Variants in EYA1 observed in about 807,000 individuals in gnomAD.
EYA1 encodes the protein protein phosphatase EYA1.
In EYA1, 16 loss-of-function variants were observed where a neutral mutation model predicts 82.0. The ratio of observed to expected loss-of-function variants is 0.20; its 90% CI spans 0.13 to 0.30. EYA1 has a LOEUF of 0.30. Ranked by LOEUF, EYA1 falls within the 10% of genes least tolerant of loss-of-function variation. The pLI, the probability that EYA1 is intolerant of heterozygous loss-of-function variation, is 1.00. For synonymous variants in EYA1, 261 were observed against 264.4 expected, an observed-to-expected ratio of 0.99 and a Z score of 0.12; for missense variants, 633 against 730.7, an observed-to-expected ratio of 0.87 and a Z score of 1.54.
chr8:71,319,378 C>T (rs191356800), intron 6 of EYA1, among the ~76,000 whole-genome samples: 285 of 152,274 alleles, frequency 1.9e-3, no homozygotes, highest in African/African-American at 6.5e-3. Flanking sequence ...GATCCGCCCG[C>T]CTCAGCCTCC....
chr8:71,447,144 A>G (rs1806954421), intron 2 of EYA1, among the ~76,000 whole-genome samples: 1 of 151,434 alleles, frequency 6.6e-6, no homozygotes, highest in African/African-American at 2.4e-5. Context: ...TCCTCCATCA[A>G]AAAAGACAAT....
intron 2 of EYA1, among the ~76,000 whole-genome samples, chr8:71,447,959 TC>T (rs1457104758): frequency 6.6e-6 from 1 of 151,232 alleles, no homozygotes; most frequent in East Asian, 2.0e-4. Context: ...AATTGACTCT[TC>T]CTTTCCAAAA....
chr8:71,275,083 C>T (rs28755904), intron 9 of EYA1, among the ~76,000 whole-genome samples: 1,591 of 152,106 alleles, frequency 0.01, 29 homozygotes, highest in African/African-American at 0.037. Context: ...AATTCAACAA[C>T]GGAGTGGGGG....
rs149146304 is a variant in EYA1, at chr8:71,445,725, G to A, written c.34-89214C>T. Among the ~76,000 whole-genome samples, 221 of 152,134 alleles carry A rather than the reference G, an allele frequency of 1.5e-3. 1 individual carries two copies. The highest frequency in any genetic ancestry group is 1.7e-3 in the Non-Finnish European group (116 of 67,990). On this transcript the variant is annotated intron_variant, in intron 2 of 18. Transcript: ENST00000643681. ...ACGATCTCGGCTCACTGCCAGCTCC[G>A]CCTCCCGGGTTCACACCATTCTCCT... is the stretch of plus-strand genomic sequence containing the variant.
chr8:71,349,831 T>A (rs1275147135), intron 3 of EYA1, among the ~76,000 whole-genome samples: 1 of 152,172 alleles, frequency 6.6e-6, no homozygotes, highest in Non-Finnish European at 1.5e-5. Context: ...TTCTAAAGAT[T>A]AATAAAGCAA....
intron 9 of EYA1, among the ~76,000 whole-genome samples, chr8:71,275,892 G>A (rs1817108622): frequency 6.6e-6 from 1 of 152,132 alleles, no homozygotes; most frequent in African/African-American, 2.4e-5. Flanking sequence ...CTGACCACTT[G>A]CTCCTTTAAA....
intron 12 of EYA1, among the ~76,000 whole-genome samples, chr8:71,238,618 A>G (rs1812123706): frequency 6.6e-6 from 1 of 152,068 alleles, no homozygotes; most frequent in African/African-American, 2.4e-5. Context: ...GCTATTTTAA[A>G]TTATAATTAA....
chr8:71,342,948 T>C (rs2129055022), intron 3 of EYA1, among the ~76,000 whole-genome samples: 1 of 152,330 alleles, frequency 6.6e-6, no homozygotes, highest in South Asian at 2.1e-4. Context: ...AAATTAAATA[T>C]TTTGTTTGAA....
intron 1 of EYA1, among the ~76,000 whole-genome samples, chr8:71,536,081 C>T (rs541402812): frequency 1.3e-5 from 2 of 152,286 alleles, no homozygotes; most frequent in African/African-American, 2.4e-5. Flanking sequence ...GCAGCTGCAG[C>T]CCAAGGAAAG....
At chr8:71,391,036 C>T (rs186825887) in intron 2 of EYA1, among the ~76,000 whole-genome samples, 2 of 152,180 alleles carry the variant, frequency 1.3e-5, no homozygotes, top group East Asian at 1.9e-4. Flanking sequence ...TGCAGTGGTG[C>T]GATCTCGGCT....
At chr8:71,497,377 A>T (rs900439801) in intron 2 of EYA1, among the ~76,000 whole-genome samples, 3 of 152,182 alleles carry the variant, frequency 2.0e-5, no homozygotes, top group Non-Finnish European at 2.9e-5. Context: ...AACTCAAACA[A>T]CTCACTAGCA....
chr8:71,540,390 C>T (rs1815051281), intron 1 of EYA1, among the ~76,000 whole-genome samples: 1 of 152,116 alleles, frequency 6.6e-6, no homozygotes, highest in Non-Finnish European at 1.5e-5. Flanking sequence ...TAAACCTTAT[C>T]TTATTATTAT....
chr8:71,441,892 A>G (rs947682966), intron 2 of EYA1, among the ~76,000 whole-genome samples: 10 of 152,136 alleles, frequency 6.6e-5, no homozygotes, highest in Non-Finnish European at 4.4e-5. Context: ...AGAAAAAGAG[A>G]CATGAGATAT....
intron 2 of EYA1, among the ~76,000 whole-genome samples, chr8:71,498,557 G>A (rs563690478): frequency 2.6e-5 from 4 of 152,130 alleles, no homozygotes; most frequent in African/African-American, 7.2e-5. Context: ...ATGAACATTC[G>A]CTACTAAACT....
intron 1 of EYA1, among the ~76,000 whole-genome samples, chr8:71,545,558 C>CTTTTTTTT: frequency 1.0e-5 from 1 of 100,322 alleles, no homozygotes; most frequent in Non-Finnish European, 1.9e-5. Context: ...TATTTTGTTC[C>CTTTTTTTT]TTTTTTTTTT....
At chr8:71,306,270 G>C (rs1396378636) in intron 7 of EYA1, among the ~76,000 whole-genome samples, 2 of 152,296 alleles carry the variant, frequency 1.3e-5, no homozygotes, top group East Asian at 3.9e-4. Flanking sequence ...GAAAGTTTTG[G>C]GAAGTTGGGT....
chr8:71,431,899 A>G (rs968476318), intron 2 of EYA1, among the ~76,000 whole-genome samples: 7 of 152,164 alleles, frequency 4.6e-5, no homozygotes, highest in Admixed American at 1.3e-4. Flanking sequence ...AAATTTGGCA[A>G]TCTGTCAAGA....
intron 4 of EYA1, among the ~76,000 whole-genome samples, chr8:71,324,249 G>A (rs1586366172): frequency 6.6e-6 from 1 of 152,146 alleles, no homozygotes; most frequent in East Asian, 1.9e-4. Flanking sequence ...AGTACAGGAA[G>A]TCCCATAAGG....
intron 4 of EYA1, 83 bp downstream of exon 4, chr8:71,334,014 C>T (rs929735472): frequency 3.4e-6 from 3 of 887,776 alleles, no homozygotes; most frequent in Non-Finnish European, 5.8e-6. Flanking sequence ...TACATGTATA[C>T]ATATACATAC....
Sources: allele counts gnomAD v4.1 joint callset (sites outside exome capture counted in the v4.1 genomes callset), GRCh38; gene constraint gnomAD v4.1.1; transcripts MANE v1.5; gene names NCBI Gene and HGNC (gene_info 2026-07-23, HGNC 2026-07-21).